The following CNR2 variants were observed in gnomAD, a reference collection of about 807,000 sequenced individuals.
The protein encoded by CNR2 is cannabinoid receptor 2.
For missense variants in CNR2, 379 were observed against 439.9 expected (o/e 0.86, Z 1.24); for synonymous variants, 172 against 182.2 (o/e 0.94, Z 0.45).
intron 1 of CNR2, chr1:23,906,990 A>G (rs1190169166): frequency 6.6e-6 from 1 of 152,138 alleles, no homozygotes; most frequent in Non-Finnish European, 1.5e-5. Flanking sequence ...CAGTACAGGA[A>G]AAGACAGAAT....
chr1:23,885,712 T>C (rs2148462392), intron 1 of CNR2, among the ~76,000 whole-genome samples: 1 of 151,792 alleles, frequency 6.6e-6, no homozygotes, highest in East Asian at 1.9e-4. Flanking sequence ...ACACTGTCTC[T>C]ACTAAAACTA....
chr1:23,911,557 C>T (rs1376695733), intron 1 of CNR2, among the ~76,000 whole-genome samples: 2 of 152,106 alleles, frequency 1.3e-5, no homozygotes, highest in Non-Finnish European at 2.9e-5. Flanking sequence ...AAATTTCCTC[C>T]TAGCCCAGTA....
chr1:23,884,013 A>G (rs1389632415), intron 1 of CNR2, among the ~76,000 whole-genome samples: 1 of 152,150 alleles, frequency 6.6e-6, no homozygotes, highest in Non-Finnish European at 1.5e-5. Context: ...ACTGGAGTTG[A>G]AAACCGAGCC....
At chr1:23,878,330 A>G (rs143873142) in intron 1 of CNR2, among the ~76,000 whole-genome samples, 2 of 152,074 alleles carry the variant, frequency 1.3e-5, no homozygotes, top group African/African-American at 4.8e-5. Flanking sequence ...ATGCCATTGC[A>G]CTGCAGCCTG....
chr1:23,892,310 GAGGTTTATTGATATA>G (rs1442120386), intron 1 of CNR2, among the ~76,000 whole-genome samples: 1 of 152,158 alleles, frequency 6.6e-6, no homozygotes, highest in Non-Finnish European at 1.5e-5. Context: ...GGTCCCAGGG[GAGGTTTATTGATATA>G]AGGCAAAATA....
Position 23,875,622 on chromosome 1 carries a change from T to TG in CNR2, c.-6dup. The TG allele has an allele frequency of 6.3e-7, 1 of 1,589,746 alleles. No homozygotes were observed. Among genetic ancestry groups the TG allele is most frequent in the Non-Finnish European group, 8.6e-7 (1 of 1,165,494 alleles). On this transcript the variant is annotated 5_prime_UTR_variant, in exon 2 of 2. Coordinates refer to ENST00000374472, the MANE Select transcript of CNR2 (RefSeq NM_001841.3). ...TGTCACCCAGCATTCCTCCATGGGG[T>TG]GGGCCCTTCAGATTCCACTGAGCTT...
chr1:23,889,201 G>T (rs911444878), intron 1 of CNR2, among the ~76,000 whole-genome samples: 1 of 152,116 alleles, frequency 6.6e-6, no homozygotes, highest in Non-Finnish European at 1.5e-5. Flanking sequence ...GGTGTGCCTG[G>T]GGGTTTTTCT....
At chr1:23,880,391 C>A (rs891872449) in intron 1 of CNR2, among the ~76,000 whole-genome samples, 2 of 151,968 alleles carry the variant, frequency 1.3e-5, no homozygotes, top group South Asian at 2.1e-4. Context: ...GTTAGTCAGG[C>A]TGGTCTTGAT....
At chr1:23,889,176 A>G (rs1640144030) in intron 1 of CNR2, among the ~76,000 whole-genome samples, 1 of 152,056 alleles carries the variant, frequency 6.6e-6, no homozygotes, top group South Asian at 2.1e-4. Flanking sequence ...GGGACCTGAG[A>G]ACCTGCTCAG....
At chr1:23,897,171 T>G (rs938959467) in intron 1 of CNR2, among the ~76,000 whole-genome samples, 1 of 151,802 alleles carries the variant, frequency 6.6e-6, no homozygotes, top group Non-Finnish European at 1.5e-5. Flanking sequence ...CACTGCACCC[T>G]GCCAGGAGTG....
chr1:23,875,175 C>T lies in CNR2; in HGVS notation c.443G>A (p.Gly148Glu). The T allele has an allele frequency of 1.9e-6, 3 of 1,613,806 alleles. No homozygotes were observed. Among genetic ancestry groups the T allele is most frequent in the Non-Finnish European group, 1.7e-6 (2 of 1,179,744 alleles). Residue 148 changes from glycine (G) to glutamate (E), a missense_variant, in exon 2 of 2, where the codon GGA (glycine) becomes GAA (glutamate). By Grantham distance (98) the Gly-to-Glu change is moderately conservative (BLOSUM62 -2). Transcript: ENST00000374472. ...PPSYKALLTR[G>E]RALVTLGIMW... ...GATGCCCAGGGTCACCAGTGCCCTTCCACGGGTGAGCAGAGCTTTGTAGGA... is the reference window on the plus strand; with the variant it reads ...GATGCCCAGGGTCACCAGTGCCCTTTCACGGGTGAGCAGAGCTTTGTAGGA...
intron 1 of CNR2, among the ~76,000 whole-genome samples, chr1:23,880,726 T>G (rs12760563): frequency 0.75 from 112,709 of 151,168 alleles, 42,531 homozygotes; most frequent in Admixed American, 0.78. Context: ...CCACCAGGCA[T>G]GGCTTTTTTT....
At chr1:23,890,511 C>T (rs1442499976) in intron 1 of CNR2, among the ~76,000 whole-genome samples, 1 of 151,784 alleles carries the variant, frequency 6.6e-6, no homozygotes. Flanking sequence ...TTTGGGAGGC[C>T]GAGGCAGGCA....
At chr1:23,911,414 AG>A in intron 1 of CNR2, among the ~76,000 whole-genome samples, 1 of 152,210 alleles carries the variant, frequency 6.6e-6, no homozygotes, top group Non-Finnish European at 1.5e-5. Context: ...CAGACAATCA[AG>A]TCCATTTGGG....
chr1:23,878,625 C>T (rs143021656), intron 1 of CNR2, among the ~76,000 whole-genome samples: 30 of 152,246 alleles, frequency 2.0e-4, no homozygotes, highest in African/African-American at 7.0e-4. Context: ...GTGATATGCC[C>T]ACCTCGGCCT....
intron 1 of CNR2, among the ~76,000 whole-genome samples, chr1:23,910,122 A>ATTTTTTTTTTT (rs34885370): frequency 8.3e-6 from 1 of 120,312 alleles, no homozygotes; most frequent in Non-Finnish European, 1.6e-5. Flanking sequence ...CTAATTTTTA[A>ATTTTTTTTTTT]TTTTTTTTTT....
chr1:23,875,453 G>C lies in CNR2; in HGVS notation c.165C>G (p.Leu55=), dbSNP rs192526527. The change falls in exon 2 of 2, where the codon CTC becomes CTG. Residue 55 remains leucine, a synonymous_variant. Coordinates refer to ENST00000374472, the MANE Select transcript of CNR2 (RefSeq NM_001841.3). ...GTTGGTGGGAGGACAGGATCAGATA[G>C]AGCACAGCCACGTTCTCCAGGGCAC... ...LLSALENVAV[L]YLILSSHQLR... is the part of the protein sequence containing the mutation. 6.2e-7 allele frequency: 1 copy of C among 1,614,216 alleles called. No individual in the cohort carries two copies. Among genetic ancestry groups the C allele is most frequent in the East Asian group, 2.2e-5 (1 of 44,876 alleles).
chr1:23,902,455 A>G (rs1342699286), intron 1 of CNR2: 7 of 1,595,544 alleles, frequency 4.4e-6, no homozygotes, highest in Non-Finnish European at 6.0e-6. Context: ...TTAGCAGCCT[A>G]CAGAGTGGCC....
chr1:23,875,752 C>A, intron 1 of CNR2, 90 bp from the exon 2 acceptor site: 1 of 1,027,800 alleles, frequency 9.7e-7, no homozygotes. Context: ...AAACTGCTAC[C>A]TGTATGGATG....
Sources: allele counts gnomAD v4.1 joint callset (sites outside exome capture counted in the v4.1 genomes callset), GRCh38; gene constraint gnomAD v4.1.1; transcripts MANE v1.5; gene names NCBI Gene and HGNC (gene_info 2026-07-23, HGNC 2026-07-21).